Variants in TTC23L observed in about 807,000 individuals in gnomAD.
The protein encoded by TTC23L is tetratricopeptide repeat protein 23-like.
A neutral mutation model predicts 48.1 loss-of-function variants in TTC23L; 42 were observed. The ratio of observed to expected loss-of-function variants is 0.87; its 90% CI spans 0.68 to 1.13. The LOEUF (loss-of-function observed/expected upper bound fraction) is 1.13, where lower values mean the gene tolerates loss of function less well. Ranked by LOEUF, TTC23L falls within the 50% of genes most tolerant of loss-of-function variation. The probability of loss-of-function intolerance (pLI) is 0.00; values close to 1 mark genes in which losing one functional copy is unlikely to be tolerated. For synonymous variants in TTC23L, 159 were observed against 157.2 expected (o/e 1.01, Z -0.09); for missense variants, 391 against 421.0 (o/e 0.93, Z 0.62).
chr5:34,850,245 G>A (rs760033455), exon 4 of TTC23L: 17 of 1,613,760 alleles, frequency 1.1e-5, no homozygotes, highest in Non-Finnish European at 1.4e-5. Context: ...TATTTTTGGG[G>A]ACCATCACTG....
At chr5:34,911,874 G>A in the TTC23L span, 32 of 1,535,556 alleles carry the variant, frequency 2.1e-5, no homozygotes, top group South Asian at 2.7e-4. Flanking sequence ...GCTTCTCCTC[G>A]AAATGATACA....
At chr5:34,859,625 G>A (rs1376213554) in intron 4 of TTC23L, among the ~76,000 whole-genome samples, 1 of 152,004 alleles carries the variant, frequency 6.6e-6, no homozygotes, top group Non-Finnish European at 1.5e-5. Flanking sequence ...TTCATCATAT[G>A]TGGATGCAGC....
the TTC23L span, chr5:34,914,736 C>G: frequency 6.2e-7 from 1 of 1,614,234 alleles, no homozygotes; most frequent in East Asian, 2.2e-5. Flanking sequence ...GCATTTTCCA[C>G]TGTTACTTTG....
downstream of TTC23L, among the ~76,000 whole-genome samples, chr5:34,903,606 A>G (rs1763564546): frequency 6.6e-6 from 1 of 152,220 alleles, no homozygotes; most frequent in African/African-American, 2.4e-5. Flanking sequence ...TCACTGCCCT[A>G]AAAATCCTCT....
chr5:34,860,168 A>G, intron 4 of TTC23L, among the ~76,000 whole-genome samples: 1 of 151,974 alleles, frequency 6.6e-6, no homozygotes, highest in Non-Finnish European at 1.5e-5. Flanking sequence ...TTTTCAATTC[A>G]GAGTTTCCCT....
chr5:34,920,031 AT>A, the TTC23L span: 2 of 473,808 alleles, frequency 4.2e-6, no homozygotes, highest in Non-Finnish European at 7.7e-6. Context: ...GGTCTTCCAA[AT>A]TTTTATCTCT....
chr5:34,868,687 C>G, intron 7 of TTC23L: 1 of 453,806 alleles, frequency 2.2e-6, no homozygotes, highest in Non-Finnish European at 4.1e-6. Context: ...ACGTGATGAG[C>G]ACCGTGCCCT....
At chr5:34,914,796 C>T in the TTC23L span, 3 of 1,614,254 alleles carry the variant, frequency 1.9e-6, no homozygotes, top group Non-Finnish European at 2.5e-6. Flanking sequence ...AAATGAATAG[C>T]TTTCAAGATA....
intron 4 of TTC23L, among the ~76,000 whole-genome samples, chr5:34,852,731 A>G (rs1759776141): frequency 6.6e-6 from 1 of 152,178 alleles, no homozygotes; most frequent in Non-Finnish European, 1.5e-5. Flanking sequence ...GGGAAAGACC[A>G]AGTGGTGGGG....
At chr5:34,885,869 A>C (rs1176988868) in intron 9 of TTC23L, among the ~76,000 whole-genome samples, 2 of 152,212 alleles carry the variant, frequency 1.3e-5, no homozygotes, top group East Asian at 3.8e-4. Context: ...ACTTTTTAAG[A>C]AGAGAAAAAT....
chr5:34,879,988 C>G (rs1762109928), intron 8 of TTC23L, among the ~76,000 whole-genome samples, 193 bp from the exon 9 acceptor site: 1 of 152,064 alleles, frequency 6.6e-6, no homozygotes, highest in Non-Finnish European at 1.5e-5. Context: ...GAGTGATACT[C>G]TATCTCAAAA....
At chr5:34,912,926 G>A in the TTC23L span, among the ~76,000 whole-genome samples, 23 of 152,122 alleles carry the variant, frequency 1.5e-4, no homozygotes, top group African/African-American at 4.8e-4. Flanking sequence ...ACTTGAACCC[G>A]GGAGGCAGAG....
intron 9 of TTC23L, among the ~76,000 whole-genome samples, chr5:34,890,587 A>AT (rs1344908204): frequency 2.0e-5 from 3 of 152,134 alleles, no homozygotes; most frequent in African/African-American, 7.2e-5. Context: ...ATTTGAGTAT[A>AT]CGTATGAGGA....
chr5:34,875,142 C>G (rs748056725), intron 8 of TTC23L, among the ~76,000 whole-genome samples: 1 of 152,156 alleles, frequency 6.6e-6, no homozygotes, highest in Non-Finnish European at 1.5e-5. Flanking sequence ...GGGGTCAGTT[C>G]TCCAATAAGA....
the TTC23L span, chr5:34,916,769 T>G: frequency 1.3e-5 from 2 of 152,224 alleles, no homozygotes; most frequent in Non-Finnish European, 2.9e-5. Context: ...TGGCAAGCTC[T>G]AAGAAAGAAG....
intron 4 of TTC23L, among the ~76,000 whole-genome samples, chr5:34,862,486 T>C (rs1012787459): frequency 2.6e-5 from 4 of 152,186 alleles, no homozygotes; most frequent in African/African-American, 9.7e-5. Context: ...GTTCAACAGT[T>C]GGAGGATGGA....
chr5:34,914,979 T>G, the TTC23L span: 1 of 1,437,356 alleles, frequency 7.0e-7, no homozygotes, highest in Non-Finnish European at 9.6e-7. Context: ...GATTAGACAG[T>G]AAAACTCCCA....
exon 4 of TTC23L, chr5:34,850,268 A>G: frequency 6.2e-7 from 1 of 1,613,908 alleles, no homozygotes; most frequent in Non-Finnish European, 8.5e-7. Context: ...AATGTGCACG[A>G]GCTCTGGCCA....
chr5:34,840,146 C>T (rs912516988), intron 1 of TTC23L, among the ~76,000 whole-genome samples: 1 of 150,194 alleles, frequency 6.7e-6, no homozygotes, highest in Non-Finnish European at 1.5e-5. Flanking sequence ...CCCGCCTCGG[C>T]TTCCCACAGT....
Sources: gnomAD v4.1 joint callset for allele counts (sites outside exome capture counted in the v4.1 genomes callset) on GRCh38, gnomAD v4.1.1 for gene constraint, MANE v1.5 for transcripts, NCBI Gene and HGNC (gene_info 2026-07-23, HGNC 2026-07-21) for gene names.